The following DLGAP2 variants were observed in gnomAD, a reference collection of about 807,000 sequenced individuals.
The protein encoded by DLGAP2 is DLG associated protein 2.
DLGAP2 carries 26 observed loss-of-function variants against 100.3 expected under a neutral mutation model. The ratio of observed to expected loss-of-function variants is 0.26; its 90% CI spans 0.19 to 0.36. DLGAP2 has a LOEUF of 0.36. Ranked by LOEUF, DLGAP2 falls within the 10% of genes least tolerant of loss-of-function variation. The pLI is 1.00. For synonymous variants in DLGAP2, 886 were observed against 630.1 expected (o/e 1.41, Z -6.08); for missense variants, 1,858 against 1,453.2 (o/e 1.28, Z -4.53).
chr8:1,593,170 C>G (rs1199885902), intron 6 of DLGAP2, among the ~76,000 whole-genome samples: 1 of 152,104 alleles, frequency 6.6e-6, no homozygotes, highest in African/African-American at 2.4e-5. Context: ...AATTTAGACA[C>G]TAGGCCTGGC....
intron 1 of DLGAP2, among the ~76,000 whole-genome samples, chr8:747,012 T>C (rs575594776): frequency 6.6e-6 from 1 of 152,170 alleles, no homozygotes; most frequent in African/African-American, 2.4e-5. Context: ...TCCGAGCCAG[T>C]GGCTAGGAAG....
rs532136877 is a variant in DLGAP2, at chr8:1,378,510, C to T, written c.106+119627C>T. ...CACCTGGCCTCACCTGTCTTTCCTGCGCACACCTGACCTCACCTGTCCCTG... is the reference window on the plus strand; with the variant it reads ...CACCTGGCCTCACCTGTCTTTCCTGTGCACACCTGACCTCACCTGTCCCTG... On this transcript the variant is annotated intron_variant, in intron 3 of 14. Coordinates refer to ENST00000637795, the MANE Select transcript of DLGAP2 (RefSeq NM_001346810.2). Among the ~76,000 whole-genome samples the T allele has an allele frequency of 1.6e-4, 24 of 151,904 alleles. No individual in the cohort carries two copies. The South Asian group carries it at 3.5e-3, about 22-fold the overall frequency.
At chr8:1,485,410 C>T (rs913048465) in intron 3 of DLGAP2, among the ~76,000 whole-genome samples, 3 of 152,120 alleles carry the variant, frequency 2.0e-5, no homozygotes, top group African/African-American at 7.2e-5. Flanking sequence ...TCAAGGAAAA[C>T]CAGTTGAGAG....
chr8:1,240,292 CGTGTCTAGTTCTCTCACATGGTGCT>C (rs1425645152), intron 2 of DLGAP2, among the ~76,000 whole-genome samples: 1 of 56,128 alleles, frequency 1.8e-5, no homozygotes, highest in African/African-American at 4.5e-5. Context: ...TACATGGCGC[CGTGTCTAGTTCTCTCACATGGTGCT>C]GTGTCTAGTT....
At chr8:1,133,604 T>A (rs983274280) in intron 2 of DLGAP2, among the ~76,000 whole-genome samples, 2 of 152,320 alleles carry the variant, frequency 1.3e-5, no homozygotes, top group South Asian at 4.1e-4. Flanking sequence ...ACAAACACTT[T>A]GCTCACCAAG....
intron 1 of DLGAP2, among the ~76,000 whole-genome samples, chr8:792,272 A>C (rs539929170): frequency 1.3e-5 from 2 of 152,284 alleles, no homozygotes; most frequent in African/African-American, 4.8e-5. Flanking sequence ...TATTTTTCTT[A>C]CTGAAGGATT....
chr8:1,428,850 A>T (rs999334982), intron 3 of DLGAP2, among the ~76,000 whole-genome samples: 4 of 152,226 alleles, frequency 2.6e-5, no homozygotes, highest in African/African-American at 9.6e-5. Flanking sequence ...GTCTACATCC[A>T]GCTGCTCACT....
At chr8:1,224,716 T>G (rs1798380580) in intron 2 of DLGAP2, among the ~76,000 whole-genome samples, 1 of 152,226 alleles carries the variant, frequency 6.6e-6, no homozygotes, top group Admixed American at 6.5e-5. Flanking sequence ...GTGTCTATAA[T>G]AGTTGAAGAA....
At chr8:1,141,150 G>A (rs923599203) in intron 2 of DLGAP2, among the ~76,000 whole-genome samples, 4 of 152,178 alleles carry the variant, frequency 2.6e-5, no homozygotes, top group Non-Finnish European at 5.9e-5. Flanking sequence ...TTTCTCCTGG[G>A]GAGGGACTGA....
intron 2 of DLGAP2, among the ~76,000 whole-genome samples, chr8:1,000,210 T>A (rs934422383): frequency 3.3e-5 from 5 of 151,174 alleles, no homozygotes; most frequent in Non-Finnish European, 4.4e-5. Context: ...CACTGGATTT[T>A]CTCTAGAGCG....
In DLGAP2 at chr8:783,756, C is replaced by T. The variant is rs912170304; in HGVS notation, c.18+45931C>T. Among the ~76,000 whole-genome samples the T allele has an allele frequency of 2.0e-5, 3 of 152,342 alleles. 1 individual carries two copies. The Middle Eastern group carries it at 0.01, about 518-fold the overall frequency. On this transcript the variant is annotated intron_variant, in intron 1 of 14. Transcript: ENST00000637795. ...AGGGAAAAGGTGTACCCTCCCACCA[C>T]ATCCGGAATCTTGCAGGGAGTGTTG...
At chr8:1,596,752 GTTCC>G (rs1563246385) in intron 6 of DLGAP2, among the ~76,000 whole-genome samples, 1 of 152,056 alleles carries the variant, frequency 6.6e-6, no homozygotes. Context: ...ATTTGTTAAA[GTTCC>G]TTGTAGATTC....
chr8:1,316,471 A>G (rs1333204133), intron 3 of DLGAP2, among the ~76,000 whole-genome samples: 1 of 132,340 alleles, frequency 7.6e-6, no homozygotes, highest in Non-Finnish European at 1.7e-5. Context: ...AGCTTTTAAA[A>G]ATAGAGCGTG....
At chr8:1,202,748 G>C (rs746185081) in intron 2 of DLGAP2, among the ~76,000 whole-genome samples, 16 of 152,160 alleles carry the variant, frequency 1.1e-4, no homozygotes, top group Non-Finnish European at 2.4e-4. Context: ...ACCTGTGTGA[G>C]ATCCAGAGGC....
chr8:1,507,119 C>T (rs922838734), intron 4 of DLGAP2, among the ~76,000 whole-genome samples: 5 of 152,224 alleles, frequency 3.3e-5, no homozygotes, highest in East Asian at 1.9e-4. Context: ...GCGGATCCTG[C>T]GCTGGGGCCA....
At chr8:1,300,816 T>C in intron 3 of DLGAP2, 1 of 152,230 alleles carries the variant, frequency 6.6e-6, no homozygotes, top group East Asian at 1.9e-4. Flanking sequence ...GTGTGTGGCA[T>C]GTTGCAGTTC....
intron 1 of DLGAP2, among the ~76,000 whole-genome samples, chr8:812,193 G>A (rs1390992516): frequency 6.6e-6 from 1 of 152,220 alleles, no homozygotes; most frequent in Admixed American, 6.5e-5. Context: ...GGGCCAGCAG[G>A]CAGGAGACCC....
rs1798557259 is a variant in DLGAP2, at chr8:1,464,349, G to GACGA, written c.107-37017_107-37016insACGA. ...TCCAGGACGGCACCCTTCCAGGACG[G>GACGA]CACCCTTCCAGGACAACGCCCTTCC... On this transcript the variant is annotated intron_variant, in intron 3 of 14. Coordinates refer to ENST00000637795, the MANE Select transcript of DLGAP2 (RefSeq NM_001346810.2). 1.2e-4 allele frequency among the ~76,000 whole-genome samples: 9 copies of GACGA among 74,674 alleles called. 2 individuals carry two copies. The highest frequency in any genetic ancestry group is 1.8e-3 in the East Asian group (2 of 1,124). 49.0% of individuals were successfully genotyped at this position (74,674 alleles called of 152,430 possible).
chr8:1,490,056 TA>T (rs1033127750), intron 3 of DLGAP2, among the ~76,000 whole-genome samples: 12 of 149,722 alleles, frequency 8.0e-5, no homozygotes, highest in African/African-American at 2.0e-4. Flanking sequence ...CGCACCCGGC[TA>T]TTTTTTTTGC....
Sources: allele counts gnomAD v4.1 joint callset (sites outside exome capture counted in the v4.1 genomes callset), GRCh38; gene constraint gnomAD v4.1.1; transcripts MANE v1.5; gene names NCBI Gene and HGNC (gene_info 2026-07-23, HGNC 2026-07-21).